STIM2: variants seen among roughly 807,000 people sequenced by gnomAD.
The protein encoded by STIM2 is stromal interaction molecule 2.
Under a neutral mutation model 85.8 loss-of-function variants are expected in STIM2, and 31 were observed. The ratio of observed to expected loss-of-function variants is 0.36; its 90% CI spans 0.27 to 0.49. STIM2 has a LOEUF of 0.49. Among genes scored for constraint, STIM2 ranks in the 20% least tolerant of loss-of-function variants. STIM2 has a pLI of 0.98. For missense variants in STIM2, 841 were observed against 927.6 expected, an observed-to-expected ratio of 0.91 and a Z score of 1.21; for synonymous variants, 356 against 331.1, an observed-to-expected ratio of 1.08 and a Z score of -0.82.
chr4:26,989,597 A>G (rs1727693522), intron 3 of STIM2, among the ~76,000 whole-genome samples: 1 of 152,216 alleles, frequency 6.6e-6, no homozygotes, highest in Admixed American at 6.5e-5. Flanking sequence ...TCAGTGTAAT[A>G]CCAGAAATAC....
chr4:27,000,108 CACAAGTT>C (rs1043895747), intron 5 of STIM2, among the ~76,000 whole-genome samples: 1 of 151,628 alleles, frequency 6.6e-6, no homozygotes, highest in Non-Finnish European at 1.5e-5. Flanking sequence ...AAATGCCTTC[CACAAGTT>C]ATAAAGTAGG....
intron 2 of STIM2, among the ~76,000 whole-genome samples, chr4:26,920,326 C>T (rs980959322): frequency 6.6e-6 from 1 of 152,288 alleles, no homozygotes; most frequent in East Asian, 1.9e-4. Flanking sequence ...TATAGATAAC[C>T]AGGAAATGTG....
At chr4:26,977,807 G>A (rs116779675) in intron 3 of STIM2, among the ~76,000 whole-genome samples, 2,565 of 152,264 alleles carry the variant, frequency 0.017, 35 homozygotes, top group Non-Finnish European at 0.027. Context: ...TTGAGATCAT[G>A]GCGCAAAGAG....
chr4:27,006,186 G>A (rs2109134932), intron 7 of STIM2, among the ~76,000 whole-genome samples: 1 of 152,270 alleles, frequency 6.6e-6, no homozygotes, highest in South Asian at 2.1e-4. Flanking sequence ...ACTTTAATGT[G>A]TCTTTTTGAA....
At chr4:26,861,483 C>T (rs887966601) in intron 1 of STIM2, 114 bp downstream of exon 1, 1 of 1,228,884 alleles carries the variant, frequency 8.1e-7, no homozygotes, top group Non-Finnish European at 1.0e-6. Flanking sequence ...CCGGCCAGGG[C>T]GCGATGCGGA....
At chr4:26,911,996 C>T (rs892683762) in intron 1 of STIM2, among the ~76,000 whole-genome samples, 5 of 152,098 alleles carry the variant, frequency 3.3e-5, no homozygotes, top group African/African-American at 1.2e-4. Flanking sequence ...ATTCACTTTC[C>T]TTTTGAGTTT....
At chr4:27,004,054 T>C (rs1245511051) in intron 7 of STIM2, among the ~76,000 whole-genome samples, 1 of 152,222 alleles carries the variant, frequency 6.6e-6, no homozygotes, top group African/African-American at 2.4e-5. Flanking sequence ...GCCTCCACTT[T>C]GTTTTATGCG....
chr4:26,918,204 A>C (rs1560206879), intron 1 of STIM2, among the ~76,000 whole-genome samples: 1 of 151,602 alleles, frequency 6.6e-6, no homozygotes, highest in Non-Finnish European at 1.5e-5. Context: ...TGTAATTGGA[A>C]CATGTTAGGT....
At position 26,860,949 on chromosome 4, in the gene STIM2, C is replaced by A. The variant is rs1180537223; in HGVS notation, c.-270C>A. On this transcript the variant is annotated 5_prime_UTR_variant, in exon 1 of 12. Transcript: ENST00000467087. Reference sequence around the variant, plus strand: ...CTTTTTTTTTTTTTTTTTTAAATAACCGGAACCAATGAACGCAGCCGGGAT... The same window carrying A: ...CTTTTTTTTTTTTTTTTTTAAATAAACGGAACCAATGAACGCAGCCGGGAT... 9 of 1,200,432 alleles carry A rather than the reference C, an allele frequency of 7.5e-6. No homozygotes were observed. The highest frequency in any genetic ancestry group is 1.5e-5 in the South Asian group (1 of 64,544). 74.4% of individuals were successfully genotyped at this position (1,200,432 alleles called of 1,614,324 possible). A position where few individuals can be genotyped will look rare whatever the true frequency, so the allele number is the denominator to read the frequency against.
chr4:26,972,816 T>A (rs1048412297), intron 3 of STIM2, among the ~76,000 whole-genome samples: 5 of 152,216 alleles, frequency 3.3e-5, no homozygotes, highest in African/African-American at 1.2e-4. Context: ...GAAGGAATGG[T>A]CCCAGCTCCT....
intron 11 of STIM2, chr4:27,019,538 A>G (rs930047382): frequency 3.5e-5 from 44 of 1,244,538 alleles, no homozygotes; most frequent in South Asian, 5.0e-5. Flanking sequence ...TCTCATTTCA[A>G]TAGCAATGTC....
intron 10 of STIM2, among the ~76,000 whole-genome samples, chr4:27,010,037 A>C (rs117631357): frequency 0.01 from 1,529 of 152,338 alleles, 69 homozygotes; most frequent in East Asian, 0.083. Flanking sequence ...CGTTAAAAGG[A>C]AACAATTGTA....
At chr4:26,977,934 A>G (rs2109110926) in intron 3 of STIM2, among the ~76,000 whole-genome samples, 1 of 152,220 alleles carries the variant, frequency 6.6e-6, no homozygotes, top group East Asian at 1.9e-4. Flanking sequence ...CTAGACGCTT[A>G]GTGAAGAAAG....
intron 1 of STIM2, among the ~76,000 whole-genome samples, chr4:26,913,370 G>A (rs1724413795): frequency 6.6e-6 from 1 of 151,916 alleles, no homozygotes; most frequent in African/African-American, 2.4e-5. Flanking sequence ...TCGACTTCAT[G>A]GAGTTTTCAC....
intron 7 of STIM2, among the ~76,000 whole-genome samples, chr4:27,003,846 CA>C (rs1381883959): frequency 6.6e-6 from 1 of 152,156 alleles, no homozygotes; most frequent in Non-Finnish European, 1.5e-5. Context: ...AGGCCACCCA[CA>C]TTTCTCAGCT....
At chr4:26,940,374 G>C (rs1725567310) in intron 2 of STIM2, among the ~76,000 whole-genome samples, 1 of 152,048 alleles carries the variant, frequency 6.6e-6, no homozygotes, top group Admixed American at 6.6e-5. Context: ...TCTTTCTTCT[G>C]TCCACAATTT....
intron 3 of STIM2, among the ~76,000 whole-genome samples, chr4:26,963,650 G>A (rs1370961267): frequency 6.6e-6 from 1 of 152,208 alleles, no homozygotes; most frequent in East Asian, 1.9e-4. Context: ...AAGAAGGTTT[G>A]ATTAAATACT....
intron 3 of STIM2, among the ~76,000 whole-genome samples, chr4:26,974,844 G>A (rs755464420): frequency 6.6e-6 from 1 of 152,090 alleles, no homozygotes; most frequent in Non-Finnish European, 1.5e-5. Flanking sequence ...TCCAACTTGG[G>A]TCCATTCCCC....
intron 1 of STIM2, among the ~76,000 whole-genome samples, chr4:26,870,269 G>A (rs1173677198): frequency 1.3e-5 from 2 of 151,126 alleles, no homozygotes; most frequent in Non-Finnish European, 2.9e-5. Context: ...TTTGTGAAGA[G>A]GGTAGACCTT....
Sources: gnomAD v4.1 joint callset for allele counts (sites outside exome capture counted in the v4.1 genomes callset) on GRCh38, gnomAD v4.1.1 for gene constraint, MANE v1.5 for transcripts, NCBI Gene and HGNC (gene_info 2026-07-23, HGNC 2026-07-21) for gene names.